SPTAN1: variants seen among roughly 807,000 people sequenced by gnomAD.
SPTAN1 encodes spectrin alpha, non-erythrocytic 1.
In SPTAN1, 61 loss-of-function variants were observed where a neutral mutation model predicts 331.3. The observed-to-expected ratio is 0.18, with a 90% CI of 0.15 to 0.23. SPTAN1 has a LOEUF of 0.23. Ranked by LOEUF, SPTAN1 falls within the 10% of genes least tolerant of loss-of-function variation. The probability of loss-of-function intolerance (pLI) is 1.00; values close to 1 mark genes in which losing one functional copy is unlikely to be tolerated. For synonymous variants in SPTAN1, 1,153 were observed against 1,173.9 expected (o/e 0.98, Z 0.36); for missense variants, 2,043 against 3,147.9 (o/e 0.65, Z 8.40).
intron 31 of SPTAN1, among the ~76,000 whole-genome samples, 181 bp from the exon 32 acceptor site, chr9:128,607,422 CT>C (rs933864372): frequency 6.6e-6 from 1 of 152,138 alleles, no homozygotes; most frequent in Non-Finnish European, 1.5e-5. Flanking sequence ...GAAATTCGGA[CT>C]TTTAAAAAAA....
Position 128,577,383 on chromosome 9 carries a change from T to C in SPTAN1, c.962T>C (p.Leu321Pro). Residue 321 changes from leucine (L) to proline (P), a missense_variant, in exon 8 of 57, where the codon CTG (leucine) becomes CCG (proline). Leu to Pro is a moderately conservative substitution (Grantham distance 98). Coordinates refer to ENST00000372739, the MANE Select transcript of SPTAN1 (RefSeq NM_001130438.3). This position sits in a 1 kb window ranked among gnomAD's most constrained non-coding sequence, Gnocchi z 4.2. ...VKALCAEADR[L>P]QQSHPLSATQ... ...GCCCTGTGTGCTGAGGCTGACCGCCTGCAACAGTCCCACCCTCTGAGTGCA... is the reference window on the plus strand; with the variant it reads ...GCCCTGTGTGCTGAGGCTGACCGCCCGCAACAGTCCCACCCTCTGAGTGCA... The C allele has an allele frequency of 6.2e-7, 1 of 1,614,230 alleles. No individual in the cohort carries two copies. The highest frequency in any genetic ancestry group is 8.5e-7 in the Non-Finnish European group (1 of 1,180,034).
At chr9:128,582,956 A>G in intron 14 of SPTAN1, 107 bp downstream of exon 14, 3 of 1,584,340 alleles carry the variant, frequency 1.9e-6, no homozygotes, top group South Asian at 1.1e-5. Context: ...CAGAAACCCC[A>G]CTACTTAATG....
At chr9:128,604,865 G>T (rs763114925) in intron 29 of SPTAN1, among the ~76,000 whole-genome samples, 169 bp from the exon 30 acceptor site, 3 of 152,030 alleles carry the variant, frequency 2.0e-5, no homozygotes, top group African/African-American at 4.8e-5. Flanking sequence ...CGGTGGGGGC[G>T]GAGGTTGCAG....
chr9:128,618,964 G>A lies in SPTAN1; in HGVS notation c.5694G>A (p.Val1898=), dbSNP rs867428978. ...GGATCAATGAGAAAATGACCCTGGT[G>A]GCCAGCGAAGATTATGGCGACACTC... is the stretch of plus-strand genomic sequence containing the variant. ...EAWINEKMTL[V]ASEDYGDTLA... The change falls in exon 44 of 57, where the codon GTG becomes GTA. Residue 1898 remains valine, a synonymous_variant. Coordinates refer to ENST00000372739, the MANE Select transcript of SPTAN1 (RefSeq NM_001130438.3). 4.3e-6 allele frequency: 7 copies of A among 1,614,036 alleles called. No individual in the cohort carries two copies. In the African/African-American group the frequency reaches 5.3e-5, roughly 12 times the overall value.
intron 44 of SPTAN1, among the ~76,000 whole-genome samples, chr9:128,620,750 G>T (rs1026973879): frequency 6.6e-6 from 1 of 152,076 alleles, no homozygotes; most frequent in African/African-American, 2.4e-5. Flanking sequence ...GACTTGGAAG[G>T]CCTTTTCTGA....
chr9:128,565,503 A>G (rs1255495866), intron 1 of SPTAN1, among the ~76,000 whole-genome samples: 1 of 152,232 alleles, frequency 6.6e-6, no homozygotes, highest in Non-Finnish European at 1.5e-5. Context: ...GGTCTCTTAG[A>G]AAGGCAATCT....
At chr9:128,590,078 G>A (rs995914280) in intron 21 of SPTAN1, among the ~76,000 whole-genome samples, 1 of 152,214 alleles carries the variant, frequency 6.6e-6, no homozygotes, top group Non-Finnish European at 1.5e-5. Flanking sequence ...GACTGATCCT[G>A]AAAGAGGCCT....
chr9:128,587,464 A>G, intron 19 of SPTAN1, 142 bp from the exon 20 acceptor site: 2 of 718,828 alleles, frequency 2.8e-6, no homozygotes, highest in Non-Finnish European at 5.1e-6. Context: ...AAATGATATT[A>G]GCACTGTAAG....
At chr9:128,554,180 C>T (rs1309470562) in intron 1 of SPTAN1, among the ~76,000 whole-genome samples, 1 of 152,044 alleles carries the variant, frequency 6.6e-6, no homozygotes, top group Non-Finnish European at 1.5e-5. Flanking sequence ...TCAAAGGGAC[C>T]CTCAAAGTGT....
chr9:128,633,348 T>G lies in SPTAN1; in HGVS notation c.*14T>G. On this transcript the variant is annotated 3_prime_UTR_variant, in exon 57 of 57. Transcript: ENST00000372739. ...TTCGTGAACTGAGCCACTCCCTGGG[T>G]CACCCACCCCTCGCTGCTTGCCCTG... 1.2e-6 allele frequency: 2 copies of G among 1,613,646 alleles called. No individual in the cohort carries two copies. The highest frequency in any genetic ancestry group is 8.5e-7 in the Non-Finnish European group (1 of 1,180,020).
intron 22 of SPTAN1, 44 bp downstream of exon 22, chr9:128,591,669 G>A (rs367875946): frequency 3.7e-6 from 6 of 1,611,028 alleles, no homozygotes; most frequent in Non-Finnish European, 5.1e-6. Flanking sequence ...CGTCCCATAG[G>A]CATACTCTGT....
chr9:128,565,561 C>T (rs1437557665), intron 1 of SPTAN1, among the ~76,000 whole-genome samples: 1 of 152,210 alleles, frequency 6.6e-6, no homozygotes, highest in African/African-American at 2.4e-5. Context: ...CCAATGAGAA[C>T]TGCTTGAATC....
chr9:128,629,198 T>G lies in SPTAN1; in HGVS notation c.6708-1123T>G, dbSNP rs962554808. ...TGATCTGTCTGGAAGGTTTTTCTCC[T>G]TATTTCTCTTCTTACCTCACTGTGG... On this transcript the variant is annotated intron_variant, in intron 51 of 56. Transcript: ENST00000372739. The surrounding 1 kb of genome is among the most constrained non-coding windows in gnomAD (Gnocchi z 4.9). The G allele has an allele frequency of 5.0e-6, 2 of 398,536 alleles. No individual in the cohort carries two copies. The highest frequency in any genetic ancestry group is 4.1e-5 in the African/African-American group (2 of 48,600). The allele number at this position is 398,536 out of a possible 1,614,324, so 24.7% of individuals were successfully genotyped here.
intron 1 of SPTAN1, among the ~76,000 whole-genome samples, chr9:128,564,886 A>G (rs1849833536): frequency 6.6e-6 from 1 of 152,260 alleles, no homozygotes; most frequent in African/African-American, 2.4e-5. Context: ...TACACATTTT[A>G]GAGCAGAAAG....
chr9:128,593,959 G>A (rs2131356339), intron 23 of SPTAN1: 2 of 588,750 alleles, frequency 3.4e-6, no homozygotes, highest in South Asian at 1.8e-5. Context: ...TAGCCACCTG[G>A]TTGTGAACAG....
intron 24 of SPTAN1, 57 bp downstream of exon 24, chr9:128,594,430 T>A (rs1321905031): frequency 1.0e-6 from 1 of 952,982 alleles, no homozygotes; most frequent in African/African-American, 4.8e-5. Flanking sequence ...AGTCTCTTGA[T>A]TTTTTTTTTT....
chr9:128,553,049 C>G (rs1192101568), intron 1 of SPTAN1: 1 of 152,402 alleles, frequency 6.6e-6, no homozygotes, highest in African/African-American at 2.4e-5. Context: ...GGGGCTCCCT[C>G]GTCGGGATCT....
chr9:128,553,197 A>G (rs2132593619), intron 1 of SPTAN1: 1 of 152,404 alleles, frequency 6.6e-6, no homozygotes, highest in African/African-American at 2.4e-5. Context: ...GAGCCCGGGG[A>G]GCCCGAGCAT....
At chr9:128,613,595 CA>C in intron 40 of SPTAN1, 110 bp downstream of exon 40, 1 of 882,546 alleles carries the variant, frequency 1.1e-6, no homozygotes, top group African/African-American at 1.6e-5. Flanking sequence ...TCACTTAAAG[CA>C]GCCATTCTCA....
Sources: gnomAD v4.1 joint callset for allele counts (sites outside exome capture counted in the v4.1 genomes callset) on GRCh38, gnomAD v4.1.1 for gene constraint, Gnocchi (gnomAD v3.1) non-coding constraint, MANE v1.5 for transcripts, NCBI Gene and HGNC (gene_info 2026-07-23, HGNC 2026-07-21) for gene names.